IFT88: variants seen among roughly 807,000 people sequenced by gnomAD.
The protein encoded by IFT88 is intraflagellar transport protein 88 homolog.
IFT88 carries 74 observed loss-of-function variants against 119.5 expected under a neutral mutation model. The ratio of observed to expected loss-of-function variants is 0.62; its 90% CI spans 0.51 to 0.75. The LOEUF is 0.75. Ranked by LOEUF, IFT88 falls within the 30% of genes least tolerant of loss-of-function variation. The pLI, the probability that IFT88 is intolerant of heterozygous loss-of-function variation, is 0.00. For synonymous variants in IFT88, 279 were observed against 316.7 expected (o/e 0.88, Z 1.26); for missense variants, 961 against 977.7 (o/e 0.98, Z 0.23).
At chr13:20,687,721 T>TA (rs59987973) in intron 24 of IFT88, among the ~76,000 whole-genome samples, 31,929 of 150,086 alleles carry the variant, frequency 0.21, 3,911 homozygotes, top group African/African-American at 0.31. Flanking sequence ...TGTTGCGTGT[T>TA]AAAAAAAGAA....
At chr13:20,663,395 C>T in intron 22 of IFT88, 103 bp from the exon 23 acceptor site, 2 of 1,547,552 alleles carry the variant, frequency 1.3e-6, no homozygotes, top group Non-Finnish European at 1.7e-6. Flanking sequence ...TTGTAAGCAT[C>T]ATTCCTACCT....
At chr13:20,621,166 A>G (rs1319443652) in intron 14 of IFT88, among the ~76,000 whole-genome samples, 3 of 152,070 alleles carry the variant, frequency 2.0e-5, no homozygotes, top group Non-Finnish European at 4.4e-5. Context: ...CCCTAGTTTC[A>G]AGAAATTCTC....
intron 20 of IFT88, among the ~76,000 whole-genome samples, chr13:20,652,440 T>C (rs1223662756): frequency 6.6e-6 from 1 of 151,850 alleles, no homozygotes; most frequent in East Asian, 1.9e-4. Context: ...AGTTTGAAAC[T>C]AGCCTGGGCA....
intron 13 of IFT88, among the ~76,000 whole-genome samples, chr13:20,609,941 T>C (rs1453356914): frequency 6.6e-6 from 1 of 152,074 alleles, no homozygotes. Flanking sequence ...GCTTGGCTTG[T>C]GGGGTCTTGG....
At chr13:20,584,756 C>G (rs1445800855) in intron 3 of IFT88, among the ~76,000 whole-genome samples, 1 of 152,190 alleles carries the variant, frequency 6.6e-6, no homozygotes, top group African/African-American at 2.4e-5. Context: ...TGTTCTATGT[C>G]TAATATTCCT....
At chr13:20,683,336 G>A (rs2057528852) in intron 24 of IFT88, among the ~76,000 whole-genome samples, 1 of 152,036 alleles carries the variant, frequency 6.6e-6, no homozygotes, top group Admixed American at 6.5e-5. Flanking sequence ...TTTAACCCTT[G>A]TAAATTTTTT....
chr13:20,583,059 A>G (rs2039001807), intron 3 of IFT88, 40 bp downstream of exon 3: 1 of 1,242,902 alleles, frequency 8.0e-7, no homozygotes, highest in Non-Finnish European at 1.2e-6. Flanking sequence ...GGTAAAAAAT[A>G]CATAACATGA....
chr13:20,613,321 TAC>T (rs563973954), intron 13 of IFT88, among the ~76,000 whole-genome samples: 76 of 152,232 alleles, frequency 5.0e-4, no homozygotes, highest in African/African-American at 1.8e-3. Flanking sequence ...AGATGCCCAA[TAC>T]ACACATGAAA....
chr13:20,685,355 T>C (rs1283216086), intron 24 of IFT88, among the ~76,000 whole-genome samples: 1 of 152,168 alleles, frequency 6.6e-6, no homozygotes, highest in Non-Finnish European at 1.5e-5. Context: ...AGAAATCCTT[T>C]TTATGGCCAG....
intron 13 of IFT88, among the ~76,000 whole-genome samples, chr13:20,615,189 C>A (rs1594233450): frequency 6.6e-6 from 1 of 152,176 alleles, no homozygotes; most frequent in Non-Finnish European, 1.5e-5. Flanking sequence ...ATTTTGAGTC[C>A]ATTTTAAAAA....
intron 14 of IFT88, 40 bp downstream of exon 14, chr13:20,615,919 T>A: frequency 8.8e-7 from 1 of 1,132,230 alleles, no homozygotes; most frequent in Non-Finnish European, 1.3e-6. Flanking sequence ...GATGTGGTTT[T>A]TTTCATAATT....
At chr13:20,650,888 G>A (rs1278398749) in intron 20 of IFT88, among the ~76,000 whole-genome samples, 1 of 152,098 alleles carries the variant, frequency 6.6e-6, no homozygotes, top group Admixed American at 6.6e-5. Flanking sequence ...AAAATAATTA[G>A]CGATTAATTT....
intron 13 of IFT88, among the ~76,000 whole-genome samples, chr13:20,605,682 G>A (rs2043316615): frequency 6.6e-6 from 1 of 152,152 alleles, no homozygotes; most frequent in Admixed American, 6.5e-5. Flanking sequence ...CCTCACTACA[G>A]ATGCCAGTTG....
chr13:20,631,012 C>G lies in IFT88; in HGVS notation c.1300-4C>G, dbSNP rs780194852. 2 of 1,549,302 alleles carry G rather than the reference C, an allele frequency of 1.3e-6. No individual in the cohort carries two copies. The highest frequency in any genetic ancestry group is 1.8e-6 in the Non-Finnish European group (2 of 1,121,614). On this transcript the variant is annotated splice_polypyrimidine_tract_variant and splice_region_variant and intron_variant, in intron 15 of 25. Coordinates refer to ENST00000351808, the MANE Select transcript of IFT88 (RefSeq NM_006531.5). ...GTAGTAACCTTCAGATATTCCATTT[C>G]TAGGCTGTAGAGATCTTAAAAGTGT...
intron 11 of IFT88, among the ~76,000 whole-genome samples, chr13:20,600,173 T>A (rs2042363427): frequency 6.6e-6 from 1 of 152,152 alleles, no homozygotes; most frequent in African/African-American, 2.4e-5. Flanking sequence ...TTTTTGAATT[T>A]TACATAATAT....
intron 24 of IFT88, among the ~76,000 whole-genome samples, chr13:20,687,721 T>TAAAAAAAGA (rs1566495174): frequency 6.7e-6 from 1 of 150,070 alleles, no homozygotes; most frequent in Non-Finnish European, 1.5e-5. Context: ...TGTTGCGTGT[T>TAAAAAAAGA]AAAAAAAGAA....
At chr13:20,608,925 A>G (rs1351619474) in intron 13 of IFT88, among the ~76,000 whole-genome samples, 1 of 152,158 alleles carries the variant, frequency 6.6e-6, no homozygotes, top group Non-Finnish European at 1.5e-5. Context: ...GGGGTAACAA[A>G]AAGGATCTTC....
At chr13:20,568,760 C>G (rs1010325672) in intron 1 of IFT88, among the ~76,000 whole-genome samples, 1 of 152,080 alleles carries the variant, frequency 6.6e-6, no homozygotes, top group Non-Finnish European at 1.5e-5. Flanking sequence ...CGCTCTGTTG[C>G]CCAGGCTGGA....
At chr13:20,568,522 T>C (rs537450045) in intron 1 of IFT88, among the ~76,000 whole-genome samples, 2 of 152,358 alleles carry the variant, frequency 1.3e-5, no homozygotes, top group African/African-American at 4.8e-5. Flanking sequence ...CTTCCTTCTA[T>C]AACTTATGTG....
Sources: allele counts gnomAD v4.1 joint callset (sites outside exome capture counted in the v4.1 genomes callset), GRCh38; gene constraint gnomAD v4.1.1; transcripts MANE v1.5; gene names NCBI Gene and HGNC (gene_info 2026-07-23, HGNC 2026-07-21).